The following RRBP1 variants were observed in gnomAD, a reference collection of about 807,000 sequenced individuals.
RRBP1 encodes the protein ribosome-binding protein 1.
Under a neutral mutation model 165.2 loss-of-function variants are expected in RRBP1, and 94 were observed. That is an observed-to-expected ratio of 0.57 (90% CI 0.48 to 0.68). The LOEUF (loss-of-function observed/expected upper bound fraction) is 0.68. Among genes scored for constraint, RRBP1 ranks in the 30% least tolerant of loss-of-function variants. The pLI is 0.00. For missense variants in RRBP1, 1,676 were observed against 1,763.0 expected (o/e 0.95, Z 0.88); for synonymous variants, 680 against 714.5 (o/e 0.95, Z 0.77).
At chr20:17,634,792 A>G (rs1600742223) in intron 7 of RRBP1, among the ~76,000 whole-genome samples, 1 of 152,366 alleles carries the variant, frequency 6.6e-6, no homozygotes, top group Non-Finnish European at 1.5e-5. Flanking sequence ...AAGGGGACCC[A>G]GAGGGGACAG....
intron 2 of RRBP1, among the ~76,000 whole-genome samples, chr20:17,673,855 C>A (rs887425505): frequency 2.0e-4 from 30 of 152,274 alleles, no homozygotes; most frequent in Admixed American, 1.0e-3. Flanking sequence ...GACACATTAC[C>A]AATAAGACTT....
At chr20:17,630,112 T>A in intron 8 of RRBP1, 151 bp from the exon 9 acceptor site, 1 of 823,930 alleles carries the variant, frequency 1.2e-6, no homozygotes, top group Non-Finnish European at 1.8e-6. Flanking sequence ...CTCGAGGCTC[T>A]AGAACCCGCA....
In RRBP1 at chr20:17,658,788, G is replaced by A; in HGVS notation, c.1720C>T (p.Pro574Ser). 1 of 1,613,908 alleles carries A rather than the reference G, an allele frequency of 6.2e-7. No homozygotes were observed. The highest frequency in any genetic ancestry group is 8.5e-7 in the Non-Finnish European group (1 of 1,179,890). ...TNQGKKAEGS[P>S]SEGKKAEGSP... Reference sequence around the variant, plus strand: ...CCTTCTGCCTTTTTGCCTTCACTGGGGGACCCTTCTGCTTTTTTCCCCTGG... The same window carrying A: ...CCTTCTGCCTTTTTGCCTTCACTGGAGGACCCTTCTGCTTTTTTCCCCTGG... The change falls in exon 3 of 25, where the codon CCC becomes TCC. Residue 574 changes from proline (P) to serine (S), a missense_variant. By Grantham distance (74) the Pro-to-Ser change is moderately conservative. This residue lies in a region of RRBP1 where 1,184 missense variants were observed against 1,167.1 expected (regional missense o/e 1.01). Transcript: ENST00000377813.
chr20:17,646,027 A>G (rs79289770), intron 3 of RRBP1, among the ~76,000 whole-genome samples: 2,338 of 152,318 alleles, frequency 0.015, 87 homozygotes, highest in East Asian at 0.075. Context: ...TGGATAATCC[A>G]GACCTCTGTC....
chr20:17,619,374 A>G (rs1349462275), intron 19 of RRBP1: 1 of 402,170 alleles, frequency 2.5e-6, no homozygotes, highest in African/African-American at 2.0e-5. Flanking sequence ...CTAGAACGTC[A>G]AACGCCTCCC....
At chr20:17,651,742 T>C (rs6111592) in intron 3 of RRBP1, among the ~76,000 whole-genome samples, 10,554 of 152,316 alleles carry the variant, frequency 0.069, 463 homozygotes, top group Non-Finnish European at 0.1. Flanking sequence ...GTGAATTTTG[T>C]TTGCTGGAAA....
chr20:17,623,877 A>C (rs1214483092), intron 13 of RRBP1, among the ~76,000 whole-genome samples: 2 of 151,496 alleles, frequency 1.3e-5, no homozygotes, highest in Non-Finnish European at 2.9e-5. Context: ...GGTTGGAGTG[A>C]CCTGAGATCA....
At chr20:17,681,422 C>G (rs2122532327) in intron 1 of RRBP1, among the ~76,000 whole-genome samples, 1 of 148,074 alleles carries the variant, frequency 6.8e-6, no homozygotes, top group Admixed American at 6.7e-5. Flanking sequence ...CGGCCCGCCC[C>G]GTCGGGGGCC....
chr20:17,676,425 G>A (rs1372075795), intron 2 of RRBP1, among the ~76,000 whole-genome samples: 7 of 152,130 alleles, frequency 4.6e-5, no homozygotes. Context: ...GGAGAAAACT[G>A]AAGCCCAGGG....
At chr20:17,654,722 TA>T (rs2036618610) in intron 3 of RRBP1, among the ~76,000 whole-genome samples, 1 of 152,178 alleles carries the variant, frequency 6.6e-6, no homozygotes, top group East Asian at 1.9e-4. Context: ...TGCCATTATA[TA>T]AACCACCCTC....
chr20:17,658,866 T>G lies in RRBP1; in HGVS notation c.1642A>C (p.Lys548Gln). Residue 548 changes from lysine (K) to glutamine (Q), a missense_variant, in exon 3 of 25, where the codon AAA (lysine) becomes CAA (glutamine). Around this residue, in one of 5 missense-constraint regions of RRBP1, gnomAD observed 1,184 missense variants for 1,167.1 expected, o/e 1.01. Coordinates refer to ENST00000377813, the MANE Select transcript of RRBP1 (RefSeq NM_001365613.2). ...KKGEGAPIQG[K>Q]KADSVANQGT... ...TGATTAGCAACCGAATCTGCCTTTT[T>G]GCCCTGGATGGGAGCTCCCTCTCCT... The G allele has an allele frequency of 6.2e-7, 1 of 1,613,910 alleles. No individual in the cohort carries two copies. Among genetic ancestry groups the G allele is most frequent in the Non-Finnish European group, 8.5e-7 (1 of 1,179,904 alleles).
At chr20:17,653,086 C>T (rs1044093491) in intron 3 of RRBP1, among the ~76,000 whole-genome samples, 11 of 152,222 alleles carry the variant, frequency 7.2e-5, no homozygotes, top group African/African-American at 2.7e-4. Context: ...AGAGAAGGGC[C>T]TTTGCAAGGC....
At chr20:17,633,782 G>A (rs2036198170) in intron 7 of RRBP1, among the ~76,000 whole-genome samples, 169 bp from the exon 8 acceptor site, 2 of 152,242 alleles carry the variant, frequency 1.3e-5, no homozygotes, top group Admixed American at 6.5e-5. Flanking sequence ...TTGGGCATGT[G>A]TTTTGTTGAA....
intron 13 of RRBP1, among the ~76,000 whole-genome samples, chr20:17,623,533 G>A (rs35233542): frequency 0.048 from 7,284 of 152,304 alleles, 186 homozygotes; most frequent in African/African-American, 0.072. Context: ...GACACTGGGA[G>A]ACACCTGCAC....
At chr20:17,618,458 C>T in intron 20 of RRBP1, 138 bp downstream of exon 20, 2 of 734,822 alleles carry the variant, frequency 2.7e-6, no homozygotes, top group Non-Finnish European at 4.8e-6. Context: ...AAGCCGGCCC[C>T]ATGCTGCTCA....
rs564640693 is a variant in RRBP1, at chr20:17,635,677, G to C, written c.2338-13C>G. The C allele has an allele frequency of 2.5e-6, 4 of 1,603,432 alleles. No homozygotes were observed. The highest frequency in any genetic ancestry group is 2.6e-6 in the Non-Finnish European group (3 of 1,171,436). On this transcript the variant is annotated splice_polypyrimidine_tract_variant and intron_variant, in intron 6 of 24. Coordinates refer to ENST00000377813, the MANE Select transcript of RRBP1 (RefSeq NM_001365613.2). ...GAAGAGTCCGGATCTGGAAAGTCAC[G>C]GGCAAGGGCATCAGAGGCAGCTCGG... is the stretch of plus-strand genomic sequence containing the variant.
At chr20:17,635,010 G>C (rs1474072485) in intron 7 of RRBP1, among the ~76,000 whole-genome samples, 1 of 152,222 alleles carries the variant, frequency 6.6e-6, no homozygotes, top group East Asian at 1.9e-4. Context: ...ATAACACAGA[G>C]CTCTGCCAAG....
intron 7 of RRBP1, 83 bp from the exon 8 acceptor site, chr20:17,633,696 C>T (rs1211940921): frequency 1.4e-6 from 2 of 1,435,360 alleles, no homozygotes; most frequent in Non-Finnish European, 1.9e-6. Context: ...AGGACTCCAG[C>T]TCTCTTGTAA....
chr20:17,625,025 G>A (rs963897801), intron 12 of RRBP1, among the ~76,000 whole-genome samples: 1 of 152,198 alleles, frequency 6.6e-6, no homozygotes, highest in African/African-American at 2.4e-5. Context: ...GCAGAGCCTG[G>A]CACAGGGAGG....
Sources: gnomAD v4.1 joint callset for allele counts (sites outside exome capture counted in the v4.1 genomes callset) on GRCh38, gnomAD v4.1.1 for gene constraint, gnomAD v4.1.1 regional missense constraint, MANE v1.5 for transcripts, NCBI Gene and HGNC (gene_info 2026-07-23, HGNC 2026-07-21) for gene names.